DDX17: variants seen among roughly 807,000 people sequenced by gnomAD.
DDX17 encodes probable ATP-dependent RNA helicase DDX17.
DDX17 carries 10 observed loss-of-function variants against 80.8 expected under a neutral mutation model. The ratio of observed to expected loss-of-function variants is 0.12; its 90% CI spans 0.08 to 0.21. The LOEUF (loss-of-function observed/expected upper bound fraction) is 0.21, where lower values mean the gene tolerates loss of function less well. DDX17 is among the 10% of genes least tolerant of loss of function. DDX17 has a pLI of 1.00. For missense variants in DDX17, 586 were observed against 957.4 expected (o/e 0.61, Z 5.12); for synonymous variants, 339 against 336.2 (o/e 1.01, Z -0.09).
At chr22:38,496,042 T>G in intron 5 of DDX17, 105 bp from the exon 6 acceptor site, 1 of 1,073,970 alleles carries the variant, frequency 9.3e-7, no homozygotes, top group Non-Finnish European at 1.3e-6. Context: ...CTTTGCTGTC[T>G]AATCTAGCAC....
chr22:38,493,391 T>C (rs2089731768), intron 10 of DDX17: 1 of 227,150 alleles, frequency 4.4e-6, no homozygotes, highest in Non-Finnish European at 8.6e-6. Context: ...TTCACTATGT[T>C]GCCCAGACCG....
chr22:38,490,133 G>A, intron 11 of DDX17: 3 of 1,157,382 alleles, frequency 2.6e-6, no homozygotes, highest in South Asian at 1.8e-5. Flanking sequence ...GCACACAGGA[G>A]CAAGCGCAGA....
intron 11 of DDX17, chr22:38,490,542 G>A (rs2089703752): frequency 1.1e-6 from 1 of 928,732 alleles, no homozygotes; most frequent in Non-Finnish European, 1.5e-6. Flanking sequence ...AAGGGAAGTG[G>A]TAGCCTAAGG....
chr22:38,495,343 T>C (rs2089750961), intron 6 of DDX17, among the ~76,000 whole-genome samples: 1 of 150,220 alleles, frequency 6.7e-6, no homozygotes, highest in African/African-American at 2.5e-5. Context: ...ACTCCCAGGT[T>C]CACGCCATTC....
chr22:38,493,948 A>G (rs1966970520), intron 9 of DDX17, 73 bp downstream of exon 9: 2 of 1,334,100 alleles, frequency 1.5e-6, no homozygotes, highest in Non-Finnish European at 2.1e-6. Flanking sequence ...ATTACACAAC[A>G]TTTGGAATAC....
At chr22:38,487,109 A>C (rs916721837) in intron 12 of DDX17, among the ~76,000 whole-genome samples, 10 of 152,122 alleles carry the variant, frequency 6.6e-5, no homozygotes, top group African/African-American at 2.4e-4. Flanking sequence ...CAGAGGTTGA[A>C]GTGAGCCGAG....
Position 38,488,742 on chromosome 22 carries a change from T to C in DDX17, c.1448-627A>G. 3 of 985,904 alleles carry C rather than the reference T, an allele frequency of 3.0e-6. No homozygotes were observed. In the South Asian group the frequency reaches 1.4e-4, roughly 46 times the overall value. 61.1% of individuals were successfully genotyped at this position (985,904 alleles called of 1,614,324 possible). On this transcript the variant is annotated intron_variant, in intron 11 of 12. Transcript: ENST00000403230. ...CTGTTAAGTACACACCTATTTTCCT[T>C]TGCAGAAACATCCAGATTATCTATC...
At chr22:38,497,597 A>T (rs938378701) in intron 5 of DDX17, among the ~76,000 whole-genome samples, 1 of 128,054 alleles carries the variant, frequency 7.8e-6, no homozygotes, top group African/African-American at 2.9e-5. Flanking sequence ...CAGCCTGGGC[A>T]ACAAGAGTGA....
In DDX17 at chr22:38,499,277, T is replaced by C. The variant is rs2089802733; in HGVS notation, c.538+123A>G. The C allele has an allele frequency of 2.9e-5, 21 of 729,582 alleles. No individual in the cohort carries two copies. The South Asian group carries it at 3.5e-4, about 12-fold the overall frequency. 45.2% of individuals were successfully genotyped at this position (729,582 alleles called of 1,614,324 possible). A position where few individuals can be genotyped will look rare whatever the true frequency, so the allele number is the denominator to read the frequency against. On this transcript the variant is annotated intron_variant, in intron 3 of 12. Coordinates refer to ENST00000403230, the MANE Select transcript of DDX17 (RefSeq NM_006386.5). ...AATACTAGAACAGAACTGATGACCA[T>C]AAAAACAATCTCTTGTCCTTTCAAC...
At chr22:38,503,011 G>T (rs941876073) in intron 1 of DDX17, among the ~76,000 whole-genome samples, 1 of 152,188 alleles carries the variant, frequency 6.6e-6, no homozygotes, top group South Asian at 2.1e-4. Flanking sequence ...GATGGCAGGA[G>T]ATTTTATTGG....
intron 1 of DDX17, 92 bp downstream of exon 1, chr22:38,505,859 C>G: frequency 4.8e-6 from 7 of 1,454,488 alleles, no homozygotes; most frequent in Non-Finnish European, 5.5e-6. Context: ...GGGTCGAGAG[C>G]AAGGCTCCCA....
In DDX17 at chr22:38,483,443, G is replaced by T. The variant is rs1199106404; in HGVS notation, c.*2492C>A. ...AAGCAATAAAAGCTCACACCTTATT[G>T]TCAACAGTGTTTTTATTTATACCTA... On this transcript the variant is annotated 3_prime_UTR_variant, in exon 13 of 13. Transcript: ENST00000403230. The T allele has an allele frequency of 6.6e-6, 1 of 152,358 alleles. No homozygotes were observed. The allele number at this position is 152,358 out of a possible 1,614,324, so 9.4% of individuals were successfully genotyped here.
At chr22:38,505,497 G>A (rs1327084033) in intron 1 of DDX17, 1 of 162,024 alleles carries the variant, frequency 6.2e-6, no homozygotes, top group Non-Finnish European at 1.3e-5. Flanking sequence ...AACGTCAAGG[G>A]TGCCATTTCG....
intron 1 of DDX17, 156 bp downstream of exon 1, chr22:38,505,795 G>C: frequency 1.0e-6 from 1 of 966,678 alleles, no homozygotes. Flanking sequence ...CCCCGGGGCC[G>C]AGGTCCGCGC....
intron 6 of DDX17, 98 bp downstream of exon 6, chr22:38,495,698 G>A (rs910923195): frequency 1.0e-6 from 1 of 973,894 alleles, no homozygotes; most frequent in Non-Finnish European, 1.4e-6. Flanking sequence ...CTGAAATTCT[G>A]AGTTTATCAC....
intron 5 of DDX17, among the ~76,000 whole-genome samples, chr22:38,497,645 G>GGCT (rs1350740618): frequency 1.8e-5 from 2 of 111,800 alleles, no homozygotes; most frequent in African/African-American, 3.9e-5. Context: ...AAAGAAAGAA[G>GGCT]GCTGGACGCA....
chr22:38,489,698 C>T lies in DDX17; in HGVS notation c.1448-1583G>A. 1.0e-6 allele frequency: 1 copy of T among 985,110 alleles called. No individual in the cohort carries two copies. The highest frequency in any genetic ancestry group is 1.2e-6 in the Non-Finnish European group (1 of 829,914). 61.0% of individuals were successfully genotyped at this position (985,110 alleles called of 1,614,324 possible). On this transcript the variant is annotated intron_variant, in intron 11 of 12. Coordinates refer to ENST00000403230, the MANE Select transcript of DDX17 (RefSeq NM_006386.5). The surrounding 1 kb of genome is among the most constrained non-coding windows in gnomAD (Gnocchi z 4.6). Reference sequence around the variant, plus strand: ...TGTCTGTTTCTTATTACAATAAAGGCTCCTCGGTCTTTACTGACCCCTAAA... The same window carrying T: ...TGTCTGTTTCTTATTACAATAAAGGTTCCTCGGTCTTTACTGACCCCTAAA...
intron 1 of DDX17, among the ~76,000 whole-genome samples, chr22:38,502,239 T>C (rs1246093929): frequency 1.3e-5 from 2 of 152,126 alleles, no homozygotes; most frequent in Non-Finnish European, 2.9e-5. Flanking sequence ...AGTGAAACCC[T>C]GTCTCTTACT....
Position 38,496,272 on chromosome 22 carries a change from T to G in DDX17, c.739-335A>C, listed in dbSNP as rs147117610. On this transcript the variant is annotated intron_variant, in intron 5 of 12. Coordinates refer to ENST00000403230, the MANE Select transcript of DDX17 (RefSeq NM_006386.5). ...AAGTATACAACTCTCATTTACAGGT[T>G]GAGCATCCTAAACCCCCAAAACCAA... Among the ~76,000 whole-genome samples the G allele has an allele frequency of 2.6e-3, 395 of 152,302 alleles. 2 individuals are homozygous for G. Among genetic ancestry groups the G allele is most frequent in the African/African-American group, 9.1e-3 (380 of 41,562 alleles).
Sources: allele counts gnomAD v4.1 joint callset (sites outside exome capture counted in the v4.1 genomes callset), GRCh38; gene constraint gnomAD v4.1.1; non-coding constraint Gnocchi (gnomAD v3.1); transcripts MANE v1.5; gene names NCBI Gene and HGNC (gene_info 2026-07-23, HGNC 2026-07-21).